Variants in NCKAP5 observed in about 807,000 individuals in gnomAD.
NCKAP5 encodes NCK associated protein 5.
In NCKAP5, 92 loss-of-function variants were observed where a neutral mutation model predicts 167.0. The ratio of observed to expected loss-of-function variants is 0.55; its 90% confidence interval spans 0.47 to 0.66. The LOEUF is 0.66. NCKAP5 is among the 30% of genes least tolerant of loss of function. NCKAP5 has a pLI of 0.00. For missense variants in NCKAP5, 2,378 were observed against 2,315.0 expected (o/e 1.03, Z -0.56); for synonymous variants, 891 against 877.4 (o/e 1.02, Z -0.27).
At chr2:133,095,727 A>G (rs886478736) in intron 6 of NCKAP5, among the ~76,000 whole-genome samples, 7 of 152,236 alleles carry the variant, frequency 4.6e-5, no homozygotes, top group Admixed American at 3.3e-4. Flanking sequence ...TATGTGCTCA[A>G]TAGAGACATA....
At position 132,783,428 on chromosome 2, in the gene NCKAP5, T is replaced by C; in HGVS notation, c.3383A>G (p.His1128Arg). The C allele has an allele frequency of 6.3e-7, 1 of 1,587,456 alleles. No homozygotes were observed. Among genetic ancestry groups the C allele is most frequent in the Non-Finnish European group, 8.6e-7 (1 of 1,167,160 alleles). ...ACTTTGACAACCATGAGGGCTGTTA[T>C]GGCTTTTGGCGGGTGATGAGGATGA... ...SSSSSSPAKS[H>R]NSPHGCQSAH... is the part of the protein sequence containing the mutation. Residue 1128 changes from histidine to arginine, a missense_variant, in exon 14 of 20, where the codon CAT becomes CGT. By Grantham distance (29) the His-to-Arg change is conservative (BLOSUM62 0). Transcript: ENST00000409261.
intron 5 of NCKAP5, among the ~76,000 whole-genome samples, chr2:133,185,635 T>C (rs1261319699): frequency 7.2e-5 from 11 of 152,120 alleles, no homozygotes. Context: ...TGATCCCTGA[T>C]TTCTTTCATC....
chr2:133,305,049 G>C (rs1468461365), intron 3 of NCKAP5, among the ~76,000 whole-genome samples: 1 of 152,172 alleles, frequency 6.6e-6, no homozygotes, highest in East Asian at 1.9e-4. Context: ...ATATACAAAG[G>C]TCCTGAAATG....
At position 133,518,448 on chromosome 2, in the gene NCKAP5, T is replaced by G. The variant is rs1005706139; in HGVS notation, c.-61-861A>C. 7.4e-4 allele frequency among the ~76,000 whole-genome samples: 97 copies of G among 131,074 alleles called. 2 individuals are homozygous for G. Among genetic ancestry groups the G allele is most frequent in the Non-Finnish European group, 1.7e-4 (11 of 63,720 alleles). The allele number at this position is 131,074 out of a possible 152,430, so 86.0% of individuals were successfully genotyped here. A position where few individuals can be genotyped will look rare whatever the true frequency, so the allele number is the denominator to read the frequency against. On this transcript the variant is annotated intron_variant, in intron 2 of 19. Transcript: ENST00000409261. ...CAGCTCACTGCAAGCTCCGCCTCCC[T>G]GGTTCACGCCATTCTCCTGCCTCAG... is the stretch of plus-strand genomic sequence containing the variant.
At chr2:132,950,313 C>G (rs545716567) in intron 8 of NCKAP5, among the ~76,000 whole-genome samples, 9 of 152,226 alleles carry the variant, frequency 5.9e-5, no homozygotes, top group African/African-American at 2.2e-4. Context: ...TTATATCTGG[C>G]TGGCATCAAG....
intron 6 of NCKAP5, among the ~76,000 whole-genome samples, chr2:133,064,711 T>A (rs1408177080): frequency 6.6e-6 from 1 of 152,168 alleles, no homozygotes; most frequent in African/African-American, 2.4e-5. Flanking sequence ...AAGGAATACT[T>A]AAGACAATGG....
At chr2:133,086,709 C>T (rs1163616020) in intron 6 of NCKAP5, among the ~76,000 whole-genome samples, 5 of 152,042 alleles carry the variant, frequency 3.3e-5, no homozygotes, top group South Asian at 2.1e-4. Flanking sequence ...TCAAAAATAC[C>T]AGTAGAGAGA....
chr2:133,216,205 T>C (rs1048449784), intron 4 of NCKAP5, among the ~76,000 whole-genome samples: 6 of 152,088 alleles, frequency 3.9e-5, no homozygotes, highest in Non-Finnish European at 8.8e-5. Flanking sequence ...CTGATACATA[T>C]AACTCTACCA....
chr2:133,128,798 A>G (rs1423672245), intron 6 of NCKAP5, among the ~76,000 whole-genome samples: 1 of 152,046 alleles, frequency 6.6e-6, no homozygotes, highest in East Asian at 1.9e-4. Flanking sequence ...AGGCTTTGCC[A>G]TGTTGGCCAG....
intron 5 of NCKAP5, among the ~76,000 whole-genome samples, chr2:133,151,235 A>T (rs2083375004): frequency 6.6e-6 from 1 of 152,194 alleles, no homozygotes; most frequent in African/African-American, 2.4e-5. Context: ...GAGTGTTGTG[A>T]TGACTTTTTA....
rs138888857 is a variant in NCKAP5, at chr2:133,514,127, A to C, written c.69+3331T>G. On this transcript the variant is annotated intron_variant, in intron 3 of 19. Coordinates refer to ENST00000409261, the MANE Select transcript of NCKAP5 (RefSeq NM_207363.3). The stretch of plus-strand genomic sequence containing the variant: ...CAGAGAGTAGACTGTACTTGCCGTG[A>C]ACGTATATACGGCTACTCCGCACAC... 7.5e-3 allele frequency among the ~76,000 whole-genome samples: 1,147 copies of C among 152,318 alleles called. 6 individuals are homozygous for C. The highest frequency in any genetic ancestry group is 0.026 in the African/African-American group (1,094 of 41,564).
At chr2:133,550,591 C>G (rs1399774110) in intron 2 of NCKAP5, among the ~76,000 whole-genome samples, 1 of 61,316 alleles carries the variant, frequency 1.6e-5, no homozygotes, top group African/African-American at 5.0e-5. Flanking sequence ...ATTGATGGGA[C>G]GTATTTCAAA....
chr2:133,029,283 TGG>T (rs2078799992), intron 6 of NCKAP5, among the ~76,000 whole-genome samples: 1 of 152,168 alleles, frequency 6.6e-6, no homozygotes, highest in African/African-American at 2.4e-5. Flanking sequence ...TATATCACTG[TGG>T]TAAGTAAGTA....
rs200120694 is a variant in NCKAP5, at chr2:133,383,056, C to CT, written c.70-79947dup. On this transcript the variant is annotated intron_variant, in intron 3 of 19. Coordinates refer to ENST00000409261, the MANE Select transcript of NCKAP5 (RefSeq NM_207363.3). Reference sequence around the variant, plus strand: ...GTAAAAGTGATGCATTCTAGGATTGCTTTTTTTAAAAAAAATTTTTTTATT... The same window carrying CT: ...GTAAAAGTGATGCATTCTAGGATTGCTTTTTTTTAAAAAAAATTTTTTTATT... 3.6e-4 allele frequency among the ~76,000 whole-genome samples: 55 copies of CT among 152,106 alleles called. No individual in the cohort carries two copies. The South Asian group carries it at 8.5e-3, about 24-fold the overall frequency.
chr2:133,518,227 T>C lies in NCKAP5; in HGVS notation c.-61-640A>G, dbSNP rs1684175295. Among the ~76,000 whole-genome samples, 3 of 152,216 alleles carry C rather than the reference T, an allele frequency of 2.0e-5. No homozygotes were observed. The South Asian group carries it at 6.2e-4, about 32-fold the overall frequency. The stretch of plus-strand genomic sequence containing the variant: ...CCTGAACTCCACTGAGATTGCTTTT[T>C]CTAGAATGATTAAGTATTCTGGTTA... On this transcript the variant is annotated intron_variant, in intron 2 of 19. Coordinates refer to ENST00000409261, the MANE Select transcript of NCKAP5 (RefSeq NM_207363.3).
chr2:133,548,159 G>A (rs1251738863), intron 2 of NCKAP5, among the ~76,000 whole-genome samples: 47 of 151,494 alleles, frequency 3.1e-4, no homozygotes, highest in African/African-American at 1.0e-3. Context: ...GAAATGAAGC[G>A]AGAAGGGAAG....
At chr2:133,434,240 T>C (rs1342204980) in intron 3 of NCKAP5, among the ~76,000 whole-genome samples, 3 of 152,230 alleles carry the variant, frequency 2.0e-5, no homozygotes, top group Non-Finnish European at 4.4e-5. Context: ...TGATGCTTGA[T>C]AGCAACATAA....
At chr2:133,001,379 C>T (rs1052784097) in intron 6 of NCKAP5, among the ~76,000 whole-genome samples, 1 of 151,996 alleles carries the variant, frequency 6.6e-6, no homozygotes, top group African/African-American at 2.4e-5. Flanking sequence ...CCCTCAATGC[C>T]TGGCTAAATT....
chr2:133,412,444 G>A (rs1465652790), intron 3 of NCKAP5, among the ~76,000 whole-genome samples: 1 of 152,126 alleles, frequency 6.6e-6, no homozygotes, highest in Admixed American at 6.5e-5. Flanking sequence ...TGGGTGCGAG[G>A]CTCTGCCCCA....
Sources: allele counts gnomAD v4.1 joint callset (sites outside exome capture counted in the v4.1 genomes callset), GRCh38; gene constraint gnomAD v4.1.1; transcripts MANE v1.5; gene names NCBI Gene and HGNC (gene_info 2026-07-23, HGNC 2026-07-21).